The following KAZN variants were observed in gnomAD, a reference collection of about 807,000 sequenced individuals.
KAZN encodes kazrin, periplakin interacting protein.
A neutral mutation model predicts 87.4 loss-of-function variants in KAZN; 40 were observed. The observed-to-expected ratio is 0.46, with a 90% confidence interval of 0.36 to 0.60. The LOEUF (loss-of-function observed/expected upper bound fraction) is 0.60. Ranked by LOEUF, KAZN falls within the 20% of genes least tolerant of loss-of-function variation. KAZN has a pLI of 0.00. For synonymous variants in KAZN, 466 were observed against 458.3 expected (o/e 1.02, Z -0.22); for missense variants, 898 against 1,073.9 (o/e 0.84, Z 2.29).
At chr1:13,977,674 G>C (rs542481741) in intron 1 of KAZN, among the ~76,000 whole-genome samples, 31 of 152,258 alleles carry the variant, frequency 2.0e-4, no homozygotes, top group Non-Finnish European at 3.2e-4. Flanking sequence ...AAAAACAGGC[G>C]GCCTGGAACT....
chr1:14,415,322 G>A (rs575921483), intron 2 of KAZN, among the ~76,000 whole-genome samples: 5 of 152,312 alleles, frequency 3.3e-5, no homozygotes, highest in African/African-American at 1.2e-4. Context: ...GATTAGGGAA[G>A]AGGTTGAAGA....
At position 14,769,734 on chromosome 1, in the gene KAZN, G is replaced by A. The variant is rs562092374; in HGVS notation, c.226+170511G>A. On this transcript the variant is annotated intron_variant, in intron 1 of 14. Coordinates refer to ENST00000376030, the MANE Select transcript of KAZN (RefSeq NM_201628.3). This position sits in a 1 kb window ranked among gnomAD's most constrained non-coding sequence, Gnocchi z 4.1. ...GGAAATTAACACTGGTCCTTCATTC[G>A]TTCATTTAGTCAGCAAACATGGATT... is the stretch of plus-strand genomic sequence containing the variant. 1.1e-4 allele frequency among the ~76,000 whole-genome samples: 16 copies of A among 152,330 alleles called. No individual in the cohort carries two copies. In the South Asian group the frequency reaches 1.7e-3, roughly 16 times the overall value.
At chr1:14,267,065 G>T (rs1166531414) in intron 2 of KAZN, among the ~76,000 whole-genome samples, 33 of 121,978 alleles carry the variant, frequency 2.7e-4, no homozygotes, top group Non-Finnish European at 5.2e-5. Flanking sequence ...AGTCCCCGCT[G>T]GTGTGTGATG....
At chr1:14,238,016 C>T (rs922276170) in intron 2 of KAZN, among the ~76,000 whole-genome samples, 1 of 152,144 alleles carries the variant, frequency 6.6e-6, no homozygotes, top group African/African-American at 2.4e-5. Context: ...TAGTAGCCTC[C>T]AATTTTTTTC....
intron 8 of KAZN, among the ~76,000 whole-genome samples, chr1:15,083,604 C>T (rs1640112375): frequency 6.6e-6 from 1 of 152,112 alleles, no homozygotes; most frequent in Admixed American, 6.5e-5. Flanking sequence ...TGGCAACACC[C>T]ATGTGAACAT....
intron 3 of KAZN, among the ~76,000 whole-genome samples, chr1:15,035,950 C>T: frequency 6.6e-6 from 1 of 152,154 alleles, no homozygotes; most frequent in East Asian, 1.9e-4. Context: ...GAGTCCTTCC[C>T]AGATGCTGCC....
chr1:14,311,659 G>A lies in KAZN; in HGVS notation c.249+131067G>A, dbSNP rs181275757. ...ACAGAGGCCTTCCTGATTCTTTCTTGTAGTGGTTCTGTTAATAGTACTTAG... is the reference window on the plus strand; with the variant it reads ...ACAGAGGCCTTCCTGATTCTTTCTTATAGTGGTTCTGTTAATAGTACTTAG... On this transcript the variant is annotated intron_variant, in intron 2 of 16. Coordinates refer to the KAZN transcript ENST00000636203. Among the ~76,000 whole-genome samples, 590 of 152,278 alleles carry A rather than the reference G, an allele frequency of 3.9e-3. 4 individuals carry two copies. Among genetic ancestry groups the A allele is most frequent in the African/African-American group, 0.014 (563 of 41,556 alleles).
intron 2 of KAZN, among the ~76,000 whole-genome samples, chr1:14,376,107 A>T (rs1557673519): frequency 6.6e-6 from 1 of 152,142 alleles, no homozygotes; most frequent in Admixed American, 6.5e-5. Context: ...CAGCACCTGA[A>T]CACAGTGAGG....
At position 14,401,114 on chromosome 1, in the gene KAZN, G is replaced by T. The variant is rs114672601; in HGVS notation, c.250-197869G>T. Among the ~76,000 whole-genome samples the T allele has an allele frequency of 9.6e-3, 1,463 of 152,204 alleles. 19 individuals carry two copies. Among genetic ancestry groups the T allele is most frequent in the African/African-American group, 0.033 (1,380 of 41,534 alleles). On this transcript the variant is annotated intron_variant, in intron 2 of 16. Coordinates refer to the KAZN transcript ENST00000636203. ...GGGTTTTCAAAGGGGATAAGAAGGGGGCAGAAGAGGAATCAAATAAGGCTT... is the reference window on the plus strand; with the variant it reads ...GGGTTTTCAAAGGGGATAAGAAGGGTGCAGAAGAGGAATCAAATAAGGCTT...
At chr1:14,021,606 C>A (rs1336464039) in intron 1 of KAZN, among the ~76,000 whole-genome samples, 3 of 152,126 alleles carry the variant, frequency 2.0e-5, no homozygotes, top group Non-Finnish European at 4.4e-5. Context: ...GTGATATTGA[C>A]CAAAGCTTGA....
intron 2 of KAZN, among the ~76,000 whole-genome samples, chr1:14,575,906 G>C (rs1371842406): frequency 1.3e-5 from 2 of 152,212 alleles, no homozygotes; most frequent in African/African-American, 4.8e-5. Flanking sequence ...CTAGGCTTTA[G>C]TATAGGGCCT....
intron 2 of KAZN, among the ~76,000 whole-genome samples, chr1:14,358,452 T>A (rs1249327747): frequency 6.6e-6 from 1 of 152,180 alleles, no homozygotes; most frequent in Non-Finnish European, 1.5e-5. Context: ...TAGTTATTTC[T>A]TGTATTTTGC....
At chr1:14,717,785 G>A (rs1222618321) in intron 1 of KAZN, among the ~76,000 whole-genome samples, 1 of 152,226 alleles carries the variant, frequency 6.6e-6, no homozygotes, top group Non-Finnish European at 1.5e-5. Context: ...CAAGAGGGCA[G>A]TTTGTCCTGG....
chr1:15,063,560 C>T lies in KAZN; in HGVS notation c.1048-12C>T. The T allele has an allele frequency of 6.2e-7, 1 of 1,613,192 alleles. No individual in the cohort carries two copies. Among genetic ancestry groups the T allele is most frequent in the South Asian group, 1.1e-5 (1 of 91,068 alleles). ...TCTGCTGTTTCATCTTCCTCTTCTCCTCTGGCTACAGGGCGACAGTCCCGG... is the reference window on the plus strand; with the variant it reads ...TCTGCTGTTTCATCTTCCTCTTCTCTTCTGGCTACAGGGCGACAGTCCCGG... On this transcript the variant is annotated splice_polypyrimidine_tract_variant and intron_variant, in intron 6 of 14. Transcript: ENST00000376030.
chr1:14,321,844 T>C (rs1444400065), intron 2 of KAZN, among the ~76,000 whole-genome samples: 1 of 152,058 alleles, frequency 6.6e-6, no homozygotes, highest in Non-Finnish European at 1.5e-5. Context: ...ACTCAGAAGG[T>C]ACAGAAGACT....
chr1:14,433,053 A>G (rs1378025555), intron 2 of KAZN, among the ~76,000 whole-genome samples: 1 of 152,110 alleles, frequency 6.6e-6, no homozygotes, highest in East Asian at 1.9e-4. Flanking sequence ...TCTGGATCTC[A>G]TAACACTCCT....
At chr1:15,107,379 C>T (rs982326852) in intron 13 of KAZN, among the ~76,000 whole-genome samples, 1 of 152,132 alleles carries the variant, frequency 6.6e-6, no homozygotes, top group Non-Finnish European at 1.5e-5. Context: ...CTTTGGCTCC[C>T]ATCCAGGCAA....
intron 1 of KAZN, among the ~76,000 whole-genome samples, chr1:14,629,894 T>C (rs1165936929): frequency 6.6e-6 from 1 of 152,154 alleles, no homozygotes; most frequent in African/African-American, 2.4e-5. Flanking sequence ...TGGTGGATGT[T>C]GATCATTTGG....
At chr1:15,088,343 T>C (rs1640364617) in intron 8 of KAZN, among the ~76,000 whole-genome samples, 1 of 151,942 alleles carries the variant, frequency 6.6e-6, no homozygotes, top group Admixed American at 6.6e-5. Flanking sequence ...GAGACGTCAA[T>C]GGTCACACTC....
Sources: allele counts gnomAD v4.1 joint callset (sites outside exome capture counted in the v4.1 genomes callset), GRCh38; gene constraint gnomAD v4.1.1; non-coding constraint Gnocchi (gnomAD v3.1); transcripts MANE v1.5; gene names NCBI Gene and HGNC (gene_info 2026-07-23, HGNC 2026-07-21).